The following SGK1 variants were observed in gnomAD, a reference collection of about 807,000 sequenced individuals.
SGK1 encodes serine/threonine-protein kinase Sgk1.
SGK1 carries 26 observed loss-of-function variants against 64.2 expected under a neutral mutation model. The observed-to-expected ratio is 0.40, with a 90% CI of 0.30 to 0.56. The LOEUF is 0.56. Among genes scored for constraint, SGK1 ranks in the 20% least tolerant of loss-of-function variants. The probability of loss-of-function intolerance (pLI) is 0.38; values close to 1 mark genes in which losing one functional copy is unlikely to be tolerated. For missense variants in SGK1, 519 were observed against 645.6 expected, an observed-to-expected ratio of 0.80 and a Z score of 2.12; for synonymous variants, 265 against 239.7, an observed-to-expected ratio of 1.11 and a Z score of -0.98.
At chr6:134,268,256 G>C (rs1398766569) in intron 1 of SGK1, among the ~76,000 whole-genome samples, 1 of 152,186 alleles carries the variant, frequency 6.6e-6, no homozygotes, top group Non-Finnish European at 1.5e-5. Flanking sequence ...CTGGAGGAGA[G>C]CTGCAGCAGC....
chr6:134,275,288 C>T lies in SGK1; in HGVS notation c.70-13140G>A, dbSNP rs187612289. Among the ~76,000 whole-genome samples, 49 of 152,296 alleles carry T rather than the reference C, an allele frequency of 3.2e-4. No homozygotes were observed. In the East Asian group the frequency reaches 8.9e-3, roughly 28 times the overall value. Reference sequence around the variant, plus strand: ...TCTTAAACTCCTGGCCTCAAGTGATCTGCCCACCTTGGCCTCCCAAAGTGT... The same window carrying T: ...TCTTAAACTCCTGGCCTCAAGTGATTTGCCCACCTTGGCCTCCCAAAGTGT... On this transcript the variant is annotated intron_variant, in intron 1 of 13. Transcript: ENST00000367858.
At chr6:134,278,326 G>A (rs1777047316) in intron 1 of SGK1, among the ~76,000 whole-genome samples, 1 of 152,230 alleles carries the variant, frequency 6.6e-6, no homozygotes, top group African/African-American at 2.4e-5. Context: ...CTTAAGGGCA[G>A]TTGTTTAAAA....
chr6:134,183,409 A>G (rs1274925459), intron 3 of SGK1, among the ~76,000 whole-genome samples: 1 of 152,190 alleles, frequency 6.6e-6, no homozygotes, highest in Non-Finnish European at 1.5e-5. Context: ...TATTCCATCT[A>G]TCTAGCTGTA....
Position 134,268,722 on chromosome 6 carries a change from C to CAAAAAAA in SGK1, c.70-6581_70-6575dup, listed in dbSNP as rs559703087. On this transcript the variant is annotated intron_variant, in intron 1 of 13. Coordinates refer to ENST00000367858, the MANE Select transcript of SGK1 (RefSeq NM_001143676.3). The stretch of plus-strand genomic sequence containing the variant: ...TGGGCGACAGAGCGAGACTCTGTCT[C>CAAAAAAA]AAAAAAAAAAAAAAAAAAAATTCCC... Among the ~76,000 whole-genome samples, 346 of 72,326 alleles carry CAAAAAAA rather than the reference C, an allele frequency of 4.8e-3. 5 individuals are homozygous for CAAAAAAA. Among genetic ancestry groups the CAAAAAAA allele is most frequent in the African/African-American group, 0.015 (333 of 21,606 alleles). 47.4% of individuals were successfully genotyped at this position (72,326 alleles called of 152,430 possible). A position where few individuals can be genotyped will look rare whatever the true frequency, so the allele number is the denominator to read the frequency against.
intron 2 of SGK1, among the ~76,000 whole-genome samples, chr6:134,258,433 G>C (rs573747947): frequency 6.6e-6 from 1 of 152,100 alleles, no homozygotes. Flanking sequence ...CACCTGGCAT[G>C]GTGGCTCACA....
chr6:134,255,259 T>C (rs961711792), intron 2 of SGK1, among the ~76,000 whole-genome samples: 1 of 152,240 alleles, frequency 6.6e-6, no homozygotes, highest in African/African-American at 2.4e-5. Context: ...AATTTTGTTA[T>C]CTCCTGATGT....
intron 1 of SGK1, among the ~76,000 whole-genome samples, chr6:134,290,318 T>C (rs1379526399): frequency 7.0e-6 from 1 of 142,920 alleles, no homozygotes; most frequent in Non-Finnish European, 1.5e-5. Flanking sequence ...AGCAAGACCC[T>C]GCCTCTAAAA....
Position 134,191,835 on chromosome 6 carries a change from A to ATTTTTTTTTTTTTTTTTTTT in SGK1, c.361+15520_361+15521insAAAAAAAAAAAAAAAAAAAA, listed in dbSNP as rs71003671. Among the ~76,000 whole-genome samples, 9 of 61,202 alleles carry ATTTTTTTTTTTTTTTTTTTT rather than the reference A, an allele frequency of 1.5e-4. 2 individuals are homozygous for ATTTTTTTTTTTTTTTTTTTT. Among genetic ancestry groups the ATTTTTTTTTTTTTTTTTTTT allele is most frequent in the African/African-American group, 6.1e-4 (9 of 14,866 alleles). 40.2% of individuals were successfully genotyped at this position (61,202 alleles called of 152,430 possible). ...AGGCATGCGCCACCACGCCCGGCTG[A>ATTTTTTTTTTTTTTTTTTTT]TTTTTTTTTTTTTTTTTTGAGACAG... On this transcript the variant is annotated intron_variant, in intron 3 of 13. Coordinates refer to ENST00000367858, the MANE Select transcript of SGK1 (RefSeq NM_001143676.3).
intron 3 of SGK1, among the ~76,000 whole-genome samples, chr6:134,204,902 TTTTTCTTTCTTTC>T (rs1562249698): frequency 6.6e-6 from 1 of 152,228 alleles, no homozygotes; most frequent in African/African-American, 2.4e-5. Flanking sequence ...CAACATTTTC[TTTTTCTTTCTTTC>T]TTTTCTTTCT....
rs563943909 is a variant in SGK1, at chr6:134,279,917, G to A, written c.70-17769C>T. On this transcript the variant is annotated intron_variant, in intron 1 of 13. Coordinates refer to ENST00000367858, the MANE Select transcript of SGK1 (RefSeq NM_001143676.3). ...CTACTGTTGGGAAAAGCTGGGTGTG[G>A]TGGCTTATGCCTGCAATCTAATCCC... is the stretch of plus-strand genomic sequence containing the variant. Among the ~76,000 whole-genome samples, 64 of 152,268 alleles carry A rather than the reference G, an allele frequency of 4.2e-4. 2 individuals are homozygous for A. The South Asian group carries it at 0.013, about 31-fold the overall frequency.
intron 2 of SGK1, among the ~76,000 whole-genome samples, chr6:134,245,511 G>A (rs1371084856): frequency 1.3e-5 from 2 of 152,170 alleles, no homozygotes; most frequent in Admixed American, 1.3e-4. Context: ...CCTAGAGAAG[G>A]GCAAACTTGA....
Position 134,297,504 on chromosome 6 carries a change from ATC to A in SGK1, c.69+19886_69+19887del, listed in dbSNP as rs1467881976. 1.1e-4 allele frequency: 62 copies of A among 580,254 alleles called. No individual in the cohort carries two copies. In the East Asian group the frequency reaches 2.7e-3, roughly 25 times the overall value. The allele number at this position is 580,254 out of a possible 1,614,324, so 35.9% of individuals were successfully genotyped here. A position where few individuals can be genotyped will look rare whatever the true frequency, so the allele number is the denominator to read the frequency against. On this transcript the variant is annotated intron_variant, in intron 1 of 13. Transcript: ENST00000367858. Reference sequence around the variant, plus strand: ...GCTGATGTTCCGGTTCATCTTGGAGATCTCTGTCTTGTTTTTGAGACAGAGTC... The same window carrying A: ...GCTGATGTTCCGGTTCATCTTGGAGATCTGTCTTGTTTTTGAGACAGAGTC...
At chr6:134,195,626 C>T (rs946880718) in intron 3 of SGK1, among the ~76,000 whole-genome samples, 3 of 152,206 alleles carry the variant, frequency 2.0e-5, no homozygotes, top group Non-Finnish European at 4.4e-5. Flanking sequence ...TTGGAACCAT[C>T]TAAACCATTG....
chr6:134,302,255 C>T (rs2114793768), intron 1 of SGK1, among the ~76,000 whole-genome samples: 1 of 152,098 alleles, frequency 6.6e-6, no homozygotes, highest in East Asian at 1.9e-4. Flanking sequence ...CCCTCAGTGC[C>T]TTGTGCATAT....
chr6:134,307,182 A>G (rs916022214), intron 1 of SGK1, among the ~76,000 whole-genome samples: 1 of 152,232 alleles, frequency 6.6e-6, no homozygotes, highest in Non-Finnish European at 1.5e-5. Context: ...CAGATGAATA[A>G]TAATTAGCAA....
At chr6:134,315,049 A>T (rs1206511934) in intron 1 of SGK1, among the ~76,000 whole-genome samples, 1 of 152,170 alleles carries the variant, frequency 6.6e-6, no homozygotes. Context: ...GGAAAGGGAG[A>T]AAGATTGGAG....
chr6:134,194,008 C>A (rs1258634832), intron 3 of SGK1, among the ~76,000 whole-genome samples: 1 of 151,942 alleles, frequency 6.6e-6, no homozygotes, highest in African/African-American at 2.4e-5. Flanking sequence ...CACTCACACC[C>A]ACACTCATGC....
rs774386470 is a variant in SGK1, at chr6:134,238,882, C to A, written c.285+23051G>T. ...GAACTGTGGGACTTGAGAATTAGAT[C>A]GTCTCAGACGGCCACCAATCTATTT... On this transcript the variant is annotated intron_variant, in intron 2 of 13. Transcript: ENST00000367858. Among the ~76,000 whole-genome samples, 99 of 152,142 alleles carry A rather than the reference C, an allele frequency of 6.5e-4. 1 individual carries two copies. The highest frequency in any genetic ancestry group is 1.2e-4 in the Non-Finnish European group (8 of 68,034).
At chr6:134,280,452 T>C (rs1777077422) in intron 1 of SGK1, among the ~76,000 whole-genome samples, 1 of 152,058 alleles carries the variant, frequency 6.6e-6, no homozygotes, top group African/African-American at 2.4e-5. Context: ...TATTTTTTAA[T>C]TTTTTTGTAG....
Sources: gnomAD v4.1 joint callset for allele counts (sites outside exome capture counted in the v4.1 genomes callset) on GRCh38, gnomAD v4.1.1 for gene constraint, MANE v1.5 for transcripts, NCBI Gene and HGNC (gene_info 2026-07-23, HGNC 2026-07-21) for gene names.